The following DLGAP2 variants were observed in gnomAD, a reference collection of about 807,000 sequenced individuals.
DLGAP2 encodes DLG associated protein 2, also known as disks large-associated protein 2.
Under a neutral mutation model 100.3 loss-of-function variants are expected in DLGAP2, and 26 were observed. The observed-to-expected ratio is 0.26, with a 90% CI of 0.19 to 0.36. The LOEUF is 0.36. DLGAP2 is among the 10% of genes least tolerant of loss of function. The pLI, the probability that DLGAP2 is intolerant of heterozygous loss-of-function variation, is 1.00. For synonymous variants in DLGAP2, 886 were observed against 630.1 expected (o/e 1.41, Z -6.08); for missense variants, 1,858 against 1,453.2 (o/e 1.28, Z -4.53).
chr8:1,550,846 T>TA (rs891781357), intron 5 of DLGAP2, among the ~76,000 whole-genome samples: 12 of 152,144 alleles, frequency 7.9e-5, no homozygotes, highest in East Asian at 5.8e-4. Context: ...ATAGCGCTGT[T>TA]AAAAAAAACA....
At chr8:801,685 G>T (rs898443053) in intron 1 of DLGAP2, among the ~76,000 whole-genome samples, 7 of 152,092 alleles carry the variant, frequency 4.6e-5, no homozygotes, top group African/African-American at 1.7e-4. Context: ...TGTGATGAGT[G>T]GCTGTCCTTA....
chr8:1,491,354 C>G lies in DLGAP2; in HGVS notation c.107-10012C>G, dbSNP rs561630475. ...GCTCCTGACCCCGGAGGCTTCGGGC[C>G]GCTCCCCCTGACCCCGGAGGCTTCG... On this transcript the variant is annotated intron_variant, in intron 3 of 14. Coordinates refer to ENST00000637795, the MANE Select transcript of DLGAP2 (RefSeq NM_001346810.2). Among the ~76,000 whole-genome samples, 223 of 152,212 alleles carry G rather than the reference C, an allele frequency of 1.5e-3. No homozygotes were observed. In the East Asian group the frequency reaches 0.03, roughly 21 times the overall value.
At chr8:1,555,622 C>T (rs927681135) in intron 5 of DLGAP2, among the ~76,000 whole-genome samples, 5 of 152,210 alleles carry the variant, frequency 3.3e-5, no homozygotes, top group African/African-American at 1.2e-4. Context: ...TGCCTTCGAG[C>T]CTCTCACTGT....
chr8:1,127,459 C>T (rs749253386), intron 2 of DLGAP2, among the ~76,000 whole-genome samples: 47 of 152,044 alleles, frequency 3.1e-4, no homozygotes, highest in Non-Finnish European at 5.7e-4. Context: ...CCTTCGTGGC[C>T]ACGTTAGAGC....
chr8:1,440,735 G>A (rs1305897970), intron 3 of DLGAP2, among the ~76,000 whole-genome samples: 2 of 152,172 alleles, frequency 1.3e-5, no homozygotes, highest in Admixed American at 6.5e-5. Flanking sequence ...AAGCAACCCC[G>A]ACATTGGTGG....
chr8:1,080,643 C>T (rs1803776517), intron 2 of DLGAP2, among the ~76,000 whole-genome samples: 1 of 152,224 alleles, frequency 6.6e-6, no homozygotes, highest in African/African-American at 2.4e-5. Flanking sequence ...GGGCCCTGCG[C>T]TCTGTCCTTC....
chr8:1,289,736 C>G (rs1027096464), intron 3 of DLGAP2, among the ~76,000 whole-genome samples: 3 of 152,232 alleles, frequency 2.0e-5, no homozygotes, highest in Middle Eastern at 6.8e-3. Flanking sequence ...CTGTGCAACC[C>G]CAGGAGAGCC....
intron 3 of DLGAP2, among the ~76,000 whole-genome samples, chr8:1,323,629 GCAATGCCC>G (rs1800957274): frequency 1.3e-5 from 2 of 152,224 alleles, no homozygotes; most frequent in Non-Finnish European, 2.9e-5. Flanking sequence ...GGAGCGGGCA[GCAATGCCC>G]CAATGCCCTG....
At chr8:1,533,443 T>A (rs1392240946) in intron 4 of DLGAP2, among the ~76,000 whole-genome samples, 3 of 151,984 alleles carry the variant, frequency 2.0e-5, no homozygotes, top group African/African-American at 7.3e-5. Flanking sequence ...GAGGCAGAGT[T>A]TGCAGTGAGC....
intron 3 of DLGAP2, among the ~76,000 whole-genome samples, chr8:1,333,262 G>T (rs1220296555): frequency 3.3e-5 from 5 of 152,098 alleles, no homozygotes; most frequent in Non-Finnish European, 7.4e-5. Context: ...AGAGCCCATG[G>T]TAGGCCATGC....
rs1796882918 is a variant in DLGAP2 at position 1,416,312 on chromosome 8, T to A, written c.107-85054T>A. Among the ~76,000 whole-genome samples the A allele has an allele frequency of 2.0e-5, 3 of 152,308 alleles. No homozygotes were observed. The South Asian group carries it at 6.2e-4, about 32-fold the overall frequency. On this transcript the variant is annotated intron_variant, in intron 3 of 14. Transcript: ENST00000637795. ...CGTCACGACGGCCATGGAAACCAGC[T>A]TCCCGTGGTCAGCCCAGGTGTCCGC... is the stretch of plus-strand genomic sequence containing the variant.
intron 12 of DLGAP2, among the ~76,000 whole-genome samples, chr8:1,682,792 G>A (rs58785808): frequency 0.044 from 6,652 of 151,678 alleles, 420 homozygotes; most frequent in African/African-American, 0.13. Context: ...TAGTATTTCA[G>A]TGTCACTTAC....
Position 1,196,011 on chromosome 8 carries a change from A to G in DLGAP2, c.74-62840A>G, listed in dbSNP as rs182801296. ...TGGGGATGCTCACGTTCGTGAGCAGAGTTAAGCTTCTCTCAAATAGCCATG... is the reference window on the plus strand; with the variant it reads ...TGGGGATGCTCACGTTCGTGAGCAGGGTTAAGCTTCTCTCAAATAGCCATG... On this transcript the variant is annotated intron_variant, in intron 2 of 14. Coordinates refer to ENST00000637795, the MANE Select transcript of DLGAP2 (RefSeq NM_001346810.2). 2.0e-4 allele frequency among the ~76,000 whole-genome samples: 30 copies of G among 152,324 alleles called. No individual in the cohort carries two copies. The East Asian group carries it at 2.3e-3, about 12-fold the overall frequency.
chr8:971,151 C>T lies in DLGAP2; in HGVS notation c.73+63185C>T, dbSNP rs116950869. Among the ~76,000 whole-genome samples, 19 of 152,204 alleles carry T rather than the reference C, an allele frequency of 1.2e-4. No homozygotes were observed. The East Asian group carries it at 2.5e-3, about 20-fold the overall frequency. On this transcript the variant is annotated intron_variant, in intron 2 of 14. Transcript: ENST00000637795. ...TTTTTGTGGTTTCGAGGACACCATC[C>T]GGAAACTGAACAGCCAACGTAGAGG...
intron 9 of DLGAP2, among the ~76,000 whole-genome samples, chr8:1,669,346 G>A (rs1465505322): frequency 6.6e-6 from 1 of 152,172 alleles, no homozygotes; most frequent in Non-Finnish European, 1.5e-5. Flanking sequence ...GCCGGCTCCT[G>A]CCCACGCTGC....
chr8:1,060,731 C>T (rs1022211515), intron 2 of DLGAP2, among the ~76,000 whole-genome samples: 2 of 152,208 alleles, frequency 1.3e-5, no homozygotes, highest in African/African-American at 2.4e-5. Context: ...GAATGACTGC[C>T]CCACATTTCA....
chr8:1,659,115 G>A (rs570376128), intron 8 of DLGAP2, among the ~76,000 whole-genome samples: 1 of 152,264 alleles, frequency 6.6e-6, no homozygotes, highest in East Asian at 1.9e-4. Context: ...AGTCATTCAG[G>A]AGCAGATTGT....
chr8:1,690,531 C>G (rs933731545), intron 12 of DLGAP2, among the ~76,000 whole-genome samples: 15 of 146,792 alleles, frequency 1.0e-4, no homozygotes, highest in Admixed American at 9.5e-4. Flanking sequence ...ATGGAAAAAC[C>G]CCATCTATAC....
chr8:983,369 C>T (rs1012488397), intron 2 of DLGAP2, among the ~76,000 whole-genome samples: 10 of 150,254 alleles, frequency 6.7e-5, no homozygotes, highest in African/African-American at 1.5e-4. Context: ...TTAGAATCCA[C>T]GTGTTGGTGG....
Sources: gnomAD v4.1 joint callset for allele counts (sites outside exome capture counted in the v4.1 genomes callset) on GRCh38, gnomAD v4.1.1 for gene constraint, MANE v1.5 for transcripts, NCBI Gene and HGNC (gene_info 2026-07-23, HGNC 2026-07-21) for gene names.